Variants in SMARCAD1 observed in about 807,000 individuals in gnomAD.
SMARCAD1 encodes SWI/SNF-related matrix-associated actin-dependent regulator of chromatin subfamily A containing DEAD/H box 1.
Under a neutral mutation model 127.1 loss-of-function variants are expected in SMARCAD1, and 25 were observed. That is an observed-to-expected ratio of 0.20 (90% CI 0.14 to 0.27). SMARCAD1 has a LOEUF of 0.27. SMARCAD1 is among the 10% of genes least tolerant of loss of function. The probability of loss-of-function intolerance (pLI) is 1.00; values close to 1 mark genes in which losing one functional copy is unlikely to be tolerated. For synonymous variants in SMARCAD1, 400 were observed against 396.9 expected, an observed-to-expected ratio of 1.01 and a Z score of -0.09; for missense variants, 807 against 1,206.0, an observed-to-expected ratio of 0.67 and a Z score of 4.90.
At chr4:94,262,032 G>A (rs533708814) in intron 9 of SMARCAD1, among the ~76,000 whole-genome samples, 1 of 152,276 alleles carries the variant, frequency 6.6e-6, no homozygotes. Flanking sequence ...GCTTCTAAAT[G>A]TTGGTGTTCT....
At chr4:94,258,481 T>C (rs965992176) in intron 9 of SMARCAD1, among the ~76,000 whole-genome samples, 1 of 152,134 alleles carries the variant, frequency 6.6e-6, no homozygotes, top group Non-Finnish European at 1.5e-5. Flanking sequence ...GTTTCATCTC[T>C]TTTAGAAAAT....
Position 94,289,894 on chromosome 4 carries a change from A to T in SMARCAD1, c.*360A>T, listed in dbSNP as rs1010934263. On this transcript the variant is annotated 3_prime_UTR_variant, in exon 24 of 24. Coordinates refer to ENST00000354268, the MANE Select transcript of SMARCAD1 (RefSeq NM_020159.5). ...TCCAAATATATATATATTGTCTTTC[A>T]CTGGATAATGTGTGTAGATTTTTAC... 2.2e-6 allele frequency: 1 copy of T among 457,470 alleles called. No homozygotes were observed. The highest frequency in any genetic ancestry group is 2.0e-5 in the African/African-American group (1 of 50,000). 28.3% of individuals were successfully genotyped at this position (457,470 alleles called of 1,614,324 possible). A position where few individuals can be genotyped will look rare whatever the true frequency, so the allele number is the denominator to read the frequency against.
chr4:94,266,200 T>A (rs1002141502), intron 10 of SMARCAD1, among the ~76,000 whole-genome samples: 2 of 152,228 alleles, frequency 1.3e-5, no homozygotes, highest in East Asian at 1.9e-4. Context: ...TTCTCCAGCA[T>A]TGGATATGGG....
intron 4 of SMARCAD1, among the ~76,000 whole-genome samples, chr4:94,234,396 C>T (rs1356445055): frequency 2.0e-5 from 3 of 152,136 alleles, no homozygotes; most frequent in South Asian, 2.1e-4. Flanking sequence ...TTCTAAAATG[C>T]ATAACCTCCC....
At chr4:94,234,573 A>G (rs561854487) in intron 4 of SMARCAD1, among the ~76,000 whole-genome samples, 52 of 152,272 alleles carry the variant, frequency 3.4e-4, no homozygotes, top group African/African-American at 1.2e-3. Context: ...TTGCTGAGAA[A>G]TATTGATTTA....
chr4:94,285,110 T>A (rs1754742383), intron 23 of SMARCAD1, 41 bp downstream of exon 23: 5 of 1,060,480 alleles, frequency 4.7e-6, no homozygotes, highest in Non-Finnish European at 7.3e-6. Context: ...TTTATCTATA[T>A]GACCATGCAT....
rs748035338 is a variant in SMARCAD1 at position 94,290,923 on chromosome 4, C to T, written c.*1389C>T. The stretch of plus-strand genomic sequence containing the variant: ...ATTTGGAAGGCAAATAAAACTCTTA[C>T]AGTGATTATTTAGATATTAAAGACT... On this transcript the variant is annotated 3_prime_UTR_variant, in exon 24 of 24. Transcript: ENST00000354268. The T allele has an allele frequency of 2.2e-6, 1 of 453,908 alleles. No individual in the cohort carries two copies. The highest frequency in any genetic ancestry group is 1.6e-5 in the South Asian group (1 of 64,250). 28.1% of individuals were successfully genotyped at this position (453,908 alleles called of 1,614,324 possible).
intron 5 of SMARCAD1, among the ~76,000 whole-genome samples, chr4:94,237,247 A>G (rs1341197523): frequency 6.6e-6 from 1 of 152,086 alleles, no homozygotes; most frequent in Admixed American, 6.6e-5. Context: ...GTTTTGTAGG[A>G]TATATTTTCT....
intron 11 of SMARCAD1, among the ~76,000 whole-genome samples, chr4:94,273,060 C>T (rs904609114): frequency 6.6e-6 from 1 of 152,170 alleles, no homozygotes; most frequent in African/African-American, 2.4e-5. Flanking sequence ...CCCACCTCAG[C>T]GTCCCCAAGT....
chr4:94,238,180 A>G (rs1251704856), intron 5 of SMARCAD1, among the ~76,000 whole-genome samples: 1 of 152,122 alleles, frequency 6.6e-6, no homozygotes, highest in Non-Finnish European at 1.5e-5. Context: ...TTTTATCCAT[A>G]TGAAATATTT....
chr4:94,259,304 CTTTA>C (rs1750601012), intron 9 of SMARCAD1, among the ~76,000 whole-genome samples: 1 of 152,304 alleles, frequency 6.6e-6, no homozygotes, highest in South Asian at 2.1e-4. Context: ...AGATTAATAA[CTTTA>C]TTTAAACCTG....
intron 8 of SMARCAD1, among the ~76,000 whole-genome samples, chr4:94,251,847 T>G (rs2125915703): frequency 6.6e-6 from 1 of 152,092 alleles, no homozygotes. Flanking sequence ...TTTGAATAAT[T>G]TTTTTTATTT....
chr4:94,217,058 G>C (rs910495328), intron 2 of SMARCAD1, among the ~76,000 whole-genome samples: 1 of 152,080 alleles, frequency 6.6e-6, no homozygotes, highest in African/African-American at 2.4e-5. Flanking sequence ...CAGTGTGGTG[G>C]GTTCCAGTTT....
intron 2 of SMARCAD1, among the ~76,000 whole-genome samples, chr4:94,210,491 CTGAT>C (rs1742031016): frequency 6.6e-6 from 1 of 152,094 alleles, no homozygotes; most frequent in Non-Finnish European, 1.5e-5. Flanking sequence ...CTAGTACACA[CTGAT>C]TGAGGGTAGG....
At chr4:94,282,323 C>T (rs968510107) in intron 21 of SMARCAD1, among the ~76,000 whole-genome samples, 2 of 150,730 alleles carry the variant, frequency 1.3e-5, no homozygotes, top group Non-Finnish European at 3.0e-5. Flanking sequence ...GTCTCGATCT[C>T]CTGACCTCGT....
intron 2 of SMARCAD1, among the ~76,000 whole-genome samples, chr4:94,225,005 C>A (rs1242710243): frequency 6.6e-6 from 1 of 152,124 alleles, no homozygotes; most frequent in East Asian, 1.9e-4. Flanking sequence ...AATACGACTC[C>A]CTTCAATCTG....
At chr4:94,266,639 A>G (rs1343265062) in intron 10 of SMARCAD1, among the ~76,000 whole-genome samples, 1 of 152,116 alleles carries the variant, frequency 6.6e-6, no homozygotes, top group Non-Finnish European at 1.5e-5. Flanking sequence ...CTTAGTATGT[A>G]GACATTTAAA....
rs1037505480 is a variant in SMARCAD1, at chr4:94,207,866, C to G, written c.-254C>G. The G allele has an allele frequency of 6.0e-6, 2 of 333,560 alleles. No homozygotes were observed. Among genetic ancestry groups the G allele is most frequent in the Non-Finnish European group, 1.2e-5 (2 of 170,502 alleles). 20.7% of individuals were successfully genotyped at this position (333,560 alleles called of 1,614,324 possible). ...CTTCCTCTCAGCTGGGATCGCGCCG[C>G]GTCAACTTCCGGGCGGATGCCCGCC... On this transcript the variant is annotated 5_prime_UTR_variant, in exon 1 of 24. Coordinates refer to ENST00000354268, the MANE Select transcript of SMARCAD1 (RefSeq NM_020159.5).
chr4:94,222,679 G>A (rs1025357305), intron 2 of SMARCAD1, among the ~76,000 whole-genome samples: 12 of 151,972 alleles, frequency 7.9e-5, no homozygotes, highest in African/African-American at 2.9e-4. Flanking sequence ...TTTAAAAATT[G>A]AGGCTGGGCT....
Sources: allele counts gnomAD v4.1 joint callset (sites outside exome capture counted in the v4.1 genomes callset), GRCh38; gene constraint gnomAD v4.1.1; transcripts MANE v1.5; gene names NCBI Gene and HGNC (gene_info 2026-07-23, HGNC 2026-07-21).